Variants in CDKN2B observed in about 807,000 individuals in gnomAD.
CDKN2B encodes cyclin-dependent kinase 4 inhibitor B.
CDKN2B carries 8 observed loss-of-function variants against 7.7 expected under a neutral mutation model. The observed-to-expected ratio is 1.04, with a 90% CI of 0.61 to 1.87. CDKN2B has a LOEUF of 1.87. Ranked by LOEUF, CDKN2B falls within the 40% of genes most tolerant of loss-of-function variation. The probability of loss-of-function intolerance (pLI) is 0.00; values close to 1 mark genes in which losing one functional copy is unlikely to be tolerated. For synonymous variants in CDKN2B, 93 were observed against 95.8 expected (o/e 0.97, Z 0.17); for missense variants, 244 against 213.1 (o/e 1.15, Z -0.90).
Position 22,006,388 on chromosome 9 carries a change from T to C in CDKN2B, c.157-141A>G, listed in dbSNP as rs1821191643. Reference sequence around the variant, plus strand: ...AGTGCAGAGGTGTTCAGGTCTCTGATGTCTGGTGTTTCTTCATTTGCTGAT... The same window carrying C: ...AGTGCAGAGGTGTTCAGGTCTCTGACGTCTGGTGTTTCTTCATTTGCTGAT... On this transcript the variant is annotated intron_variant, in intron 1 of 1. Transcript: ENST00000276925. The surrounding 1 kb of genome is among the most constrained non-coding windows in gnomAD (Gnocchi z 6.4). 1.7e-6 allele frequency: 2 copies of C among 1,151,404 alleles called. No individual in the cohort carries two copies. The highest frequency in any genetic ancestry group is 2.7e-5 in the South Asian group (2 of 74,318). The allele number at this position is 1,151,404 out of a possible 1,614,324, so 71.3% of individuals were successfully genotyped here. A position where few individuals can be genotyped will look rare whatever the true frequency, so the allele number is the denominator to read the frequency against.
rs562885506 is a variant in CDKN2B, at chr9:22,005,682, A to G, written c.*305T>C. 3.1e-4 allele frequency: 163 copies of G among 519,396 alleles called. 2 individuals are homozygous for G. In the South Asian group the frequency reaches 3.3e-3, roughly 11 times the overall value. The allele number at this position is 519,396 out of a possible 1,614,324, so 32.2% of individuals were successfully genotyped here. A position where few individuals can be genotyped will look rare whatever the true frequency, so the allele number is the denominator to read the frequency against. ...AGGTCCAGTCAAGGATTTCATATGC[A>G]CTTTCCCTCAGAAAACCCTGAAAAG... On this transcript the variant is annotated 3_prime_UTR_variant, in exon 2 of 2. Transcript: ENST00000276925. This position sits in a 1 kb window ranked among gnomAD's most constrained non-coding sequence, Gnocchi z 4.9.
chr9:22,007,779 T>C (rs1821267207), intron 1 of CDKN2B, among the ~76,000 whole-genome samples: 1 of 152,174 alleles, frequency 6.6e-6, no homozygotes, highest in African/African-American at 2.4e-5. Context: ...GTGAATTACA[T>C]ATATAACTTG....
Position 22,005,824 on chromosome 9 carries a change from G to T in CDKN2B, c.*163C>A. The stretch of plus-strand genomic sequence containing the variant: ...AAGACAAAGAAAAAAATGTATGGAA[G>T]GTTATTCCCGGTCGGCTCCTCCTTC... On this transcript the variant is annotated 3_prime_UTR_variant, in exon 2 of 2. Transcript: ENST00000276925. This position sits in a 1 kb window ranked among gnomAD's most constrained non-coding sequence, Gnocchi z 4.9. 1 of 862,978 alleles carries T rather than the reference G, an allele frequency of 1.2e-6. No individual in the cohort carries two copies. Among genetic ancestry groups the T allele is most frequent in the South Asian group, 1.6e-5 (1 of 62,798 alleles). The allele number at this position is 862,978 out of a possible 1,614,324, so 53.5% of individuals were successfully genotyped here.
rs3217990 is a variant in CDKN2B, at chr9:22,003,522, G to T, written c.*2465C>A. ...TTAAGATATAGAGGTCAAATTAAGG[G>T]ATTTTATAAACCAAATGGGAGATTT... On this transcript the variant is annotated 3_prime_UTR_variant, in exon 2 of 2. Transcript: ENST00000276925. 0.01 allele frequency: 2,303 copies of T among 228,950 alleles called. 28 individuals carry two copies. Among genetic ancestry groups the T allele is most frequent in the African/African-American group, 0.026 (1,178 of 45,238 alleles). 14.2% of individuals were successfully genotyped at this position (228,950 alleles called of 1,614,324 possible). A position where few individuals can be genotyped will look rare whatever the true frequency, so the allele number is the denominator to read the frequency against.
Position 22,006,164 on chromosome 9 carries a change from G to C in CDKN2B, c.240C>G (p.Leu80=), listed in dbSNP as rs761279768. Residue 80 remains leucine (L), a synonymous_variant, in exon 2 of 2, where the codon CTC becomes CTG. Coordinates refer to ENST00000276925, the MANE Select transcript of CDKN2B (RefSeq NM_004936.4). This position sits in a 1 kb window ranked among gnomAD's most constrained non-coding sequence, Gnocchi z 6.4. The stretch of plus-strand genomic sequence containing the variant: ...GGGCAGCATCATGCACCGGTCGGGT[G>C]AGAGTGGCAGGGTCTGCGCAGTTGG... ...AEPNCADPAT[L]TRPVHDAARE... 1.4e-5 allele frequency: 23 copies of C among 1,611,468 alleles called. No individual in the cohort carries two copies. Among genetic ancestry groups the C allele is most frequent in the Non-Finnish European group, 1.7e-5 (20 of 1,179,880 alleles).
chr9:22,005,329 CATCCTCTCTTACCCCTCTGCTATCTGGTG>C lies in CDKN2B; in HGVS notation c.*629_*657del. The stretch of plus-strand genomic sequence containing the variant: ...ATTTTAGCATCTGTCGTCGCTTGCA[CATCCTCTCTTACCCCTCTGCTATCTGGTG>C]GAGTTGGGCGAGGGTCTCCAGGGCT... On this transcript the variant is annotated 3_prime_UTR_variant, in exon 2 of 2. Transcript: ENST00000276925. The surrounding 1 kb of genome is among the most constrained non-coding windows in gnomAD (Gnocchi z 4.9). 1 of 238,560 alleles carries C rather than the reference CATCCTCTCTTACCCCTCTGCTATCTGGTG, an allele frequency of 4.2e-6. No individual in the cohort carries two copies. The highest frequency in any genetic ancestry group is 6.0e-5 in the East Asian group (1 of 16,712). The allele number at this position is 238,560 out of a possible 1,614,324, so 14.8% of individuals were successfully genotyped here.
At chr9:22,008,636 T>G in intron 1 of CDKN2B, 162 bp downstream of exon 1, 1 of 1,590,132 alleles carries the variant, frequency 6.3e-7, no homozygotes, top group Non-Finnish European at 8.5e-7. Context: ...TTTAGGATTT[T>G]TGCTGGGTAA....
chr9:22,007,871 T>C (rs1473495097), intron 1 of CDKN2B, among the ~76,000 whole-genome samples: 1 of 152,188 alleles, frequency 6.6e-6, no homozygotes, highest in East Asian at 1.9e-4. Context: ...CCTCATTTGT[T>C]ATACCATTAT....
chr9:22,006,291 T>C lies in CDKN2B; in HGVS notation c.157-44A>G, dbSNP rs1423195135. ...TGGTCAGAGCCAGGGTGGGGGCAGG[T>C]ATGGGAGATGCCGGCCGGGGCAAGG... On this transcript the variant is annotated intron_variant, in intron 1 of 1. Coordinates refer to ENST00000276925, the MANE Select transcript of CDKN2B (RefSeq NM_004936.4). The surrounding 1 kb of genome is among the most constrained non-coding windows in gnomAD (Gnocchi z 6.4). The C allele has an allele frequency of 6.3e-7, 1 of 1,599,026 alleles. No homozygotes were observed. The highest frequency in any genetic ancestry group is 8.5e-7 in the Non-Finnish European group (1 of 1,179,608).
chr9:22,004,580 T>A lies in CDKN2B; in HGVS notation c.*1407A>T, dbSNP rs1023136562. ...CCTCTTGGAGTTCAATCTCTGTTAATTCTTTATTAAAGTAGTGAAGTATCA... is the reference window on the plus strand; with the variant it reads ...CCTCTTGGAGTTCAATCTCTGTTAAATCTTTATTAAAGTAGTGAAGTATCA... On this transcript the variant is annotated 3_prime_UTR_variant, in exon 2 of 2. Transcript: ENST00000276925. The A allele has an allele frequency of 6.5e-5, 15 of 232,460 alleles. No individual in the cohort carries two copies. The highest frequency in any genetic ancestry group is 3.3e-4 in the African/African-American group (15 of 45,312). The allele number at this position is 232,460 out of a possible 1,614,324, so 14.4% of individuals were successfully genotyped here.
Position 22,006,152 on chromosome 9 carries a change from C to T in CDKN2B, c.252G>A (p.Val84=), listed in dbSNP as rs1422575612. ...GGAAGCCCTCCCGGGCAGCATCATG[C>T]ACCGGTCGGGTGAGAGTGGCAGGGT... ...CADPATLTRP[V]HDAAREGFLD... Residue 84 remains valine (V), a synonymous_variant, in exon 2 of 2, where the codon GTG becomes GTA. Coordinates refer to ENST00000276925, the MANE Select transcript of CDKN2B (RefSeq NM_004936.4). The surrounding 1 kb of genome is among the most constrained non-coding windows in gnomAD (Gnocchi z 6.4). The T allele has an allele frequency of 7.4e-6, 12 of 1,611,758 alleles. No individual in the cohort carries two copies. Among genetic ancestry groups the T allele is most frequent in the South Asian group, 5.5e-5 (5 of 91,056 alleles).
Position 22,009,191 on chromosome 9 carries a change from G to T in CDKN2B, c.-238C>A, listed in dbSNP as rs1322950618. On this transcript the variant is annotated 5_prime_UTR_variant, in exon 1 of 2. Coordinates refer to ENST00000276925, the MANE Select transcript of CDKN2B (RefSeq NM_004936.4). ...GCTCAAGAACCAGCGGGCGCGCCTG[G>T]ATTGCTTCTGGGAAAAAGCGCCTAG... The T allele has an allele frequency of 3.2e-6, 2 of 630,542 alleles. No individual in the cohort carries two copies. Among genetic ancestry groups the T allele is most frequent in the Non-Finnish European group, 2.8e-6 (1 of 360,304 alleles). The allele number at this position is 630,542 out of a possible 1,614,324, so 39.1% of individuals were successfully genotyped here.
rs1455915779 is a variant in CDKN2B, at chr9:22,003,736, T to G, written c.*2251A>C. ...TTATCTTTGTTCCAAAAATTTGGGTTTTTATAGGTGTGTTGGGGGGGGTTA... is the reference window on the plus strand; with the variant it reads ...TTATCTTTGTTCCAAAAATTTGGGTGTTTATAGGTGTGTTGGGGGGGGTTA... On this transcript the variant is annotated 3_prime_UTR_variant, in exon 2 of 2. Transcript: ENST00000276925. 1 of 231,848 alleles carries G rather than the reference T, an allele frequency of 4.3e-6. No individual in the cohort carries two copies. Among genetic ancestry groups the G allele is most frequent in the African/African-American group, 2.2e-5 (1 of 45,256 alleles). 14.4% of individuals were successfully genotyped at this position (231,848 alleles called of 1,614,324 possible). A position where few individuals can be genotyped will look rare whatever the true frequency, so the allele number is the denominator to read the frequency against.
chr9:22,007,449 C>T (rs570161838), intron 1 of CDKN2B, among the ~76,000 whole-genome samples: 2 of 152,276 alleles, frequency 1.3e-5, no homozygotes, highest in Non-Finnish European at 2.9e-5. Flanking sequence ...TGATGTTTTG[C>T]AGGAGTAATC....
intron 1 of CDKN2B, among the ~76,000 whole-genome samples, chr9:22,008,105 A>G (rs1821286466): frequency 1.3e-5 from 2 of 152,254 alleles, no homozygotes; most frequent in Non-Finnish European, 2.9e-5. Context: ...GTGTATTTTA[A>G]CAATGAAGAT....
chr9:22,007,494 A>C (rs1300323309), intron 1 of CDKN2B, among the ~76,000 whole-genome samples: 1 of 152,230 alleles, frequency 6.6e-6, no homozygotes, highest in Non-Finnish European at 1.5e-5. Context: ...AACATTATGA[A>C]AACATTTGCT....
intron 1 of CDKN2B, chr9:22,008,534 C>T: frequency 4.8e-6 from 4 of 826,128 alleles, no homozygotes; most frequent in Non-Finnish European, 7.3e-6. Context: ...CTTTTCTCCC[C>T]AATTCAGTCT....
In CDKN2B at chr9:22,009,043, G is replaced by A; in HGVS notation, c.-90C>T. On this transcript the variant is annotated 5_prime_UTR_variant, in exon 1 of 2. Coordinates refer to ENST00000276925, the MANE Select transcript of CDKN2B (RefSeq NM_004936.4). ...CTTCCCTTCTTTCCCACGCTGCTCCGGCGCACTCTCTCCTTCCTAGGAGAC... is the reference window on the plus strand; with the variant it reads ...CTTCCCTTCTTTCCCACGCTGCTCCAGCGCACTCTCTCCTTCCTAGGAGAC... 2.5e-6 allele frequency: 4 copies of A among 1,576,222 alleles called. No individual in the cohort carries two copies. The highest frequency in any genetic ancestry group is 1.3e-5 in the African/African-American group (1 of 74,322).
At chr9:22,007,668 C>T (rs1445266926) in intron 1 of CDKN2B, among the ~76,000 whole-genome samples, 1 of 151,956 alleles carries the variant, frequency 6.6e-6, no homozygotes, top group Non-Finnish European at 1.5e-5. Context: ...ATGTTCATTT[C>T]ATCTCTTAAA....
Sources: allele counts gnomAD v4.1 joint callset (sites outside exome capture counted in the v4.1 genomes callset), GRCh38; gene constraint gnomAD v4.1.1; non-coding constraint Gnocchi (gnomAD v3.1); transcripts MANE v1.5; gene names NCBI Gene and HGNC (gene_info 2026-07-23, HGNC 2026-07-21).